The following CFDP1 variants were observed in gnomAD, a reference collection of about 807,000 sequenced individuals.
CFDP1 encodes the protein chromatin remodeling protein CFDP1.
A neutral mutation model predicts 40.1 loss-of-function variants in CFDP1; 31 were observed. The ratio of observed to expected loss-of-function variants is 0.77; its 90% CI spans 0.58 to 1.04. The LOEUF (loss-of-function observed/expected upper bound fraction) is 1.04, where lower values mean the gene tolerates loss of function less well. CFDP1 is among the 50% of genes least tolerant of loss of function. CFDP1 has a pLI of 0.00. For missense variants in CFDP1, 423 were observed against 343.4 expected (o/e 1.23, Z -1.83); for synonymous variants, 167 against 120.0 (o/e 1.39, Z -2.56).
chr16:75,321,296 G>C (rs2078361789), intron 5 of CFDP1, among the ~76,000 whole-genome samples: 1 of 152,078 alleles, frequency 6.6e-6, no homozygotes, highest in African/African-American at 2.4e-5. Context: ...GCTTTACTGA[G>C]ATGTAATCCA....
chr16:75,329,932 T>C (rs1215360585), intron 5 of CFDP1, among the ~76,000 whole-genome samples: 2 of 152,200 alleles, frequency 1.3e-5, no homozygotes, highest in African/African-American at 4.8e-5. Context: ...ATACCAAGAA[T>C]GAATTCCTCT....
chr16:75,307,970 C>T (rs536631521), intron 5 of CFDP1, among the ~76,000 whole-genome samples: 1 of 152,322 alleles, frequency 6.6e-6, no homozygotes, highest in Admixed American at 6.5e-5. Flanking sequence ...GAACACTGAT[C>T]TTTTCTTTAG....
At position 75,412,484 on chromosome 16, in the gene CFDP1, A is replaced by G. The variant is rs777273340; in HGVS notation, c.402+51T>C. The G allele has an allele frequency of 3.2e-5, 44 of 1,363,458 alleles. No individual in the cohort carries two copies. The East Asian group carries it at 9.6e-4, about 30-fold the overall frequency. 84.5% of individuals were successfully genotyped at this position (1,363,458 alleles called of 1,614,324 possible). A position where few individuals can be genotyped will look rare whatever the true frequency, so the allele number is the denominator to read the frequency against. On this transcript the variant is annotated intron_variant, in intron 3 of 6. Coordinates refer to ENST00000283882, the MANE Select transcript of CFDP1 (RefSeq NM_006324.3). ...ATTTCCGTAGGCTTCAAATCTCAGT[A>G]ATGTAGGGTATTTCTGGAGAGGCAT...
intron 5 of CFDP1, among the ~76,000 whole-genome samples, chr16:75,384,980 T>C (rs969670647): frequency 1.3e-5 from 2 of 150,458 alleles, no homozygotes; most frequent in Non-Finnish European, 3.0e-5. Context: ...ATACAATATA[T>C]ATGTATATAT....
chr16:75,410,930 A>C (rs1446977451), intron 4 of CFDP1, among the ~76,000 whole-genome samples: 1 of 150,362 alleles, frequency 6.7e-6, no homozygotes, highest in Non-Finnish European at 1.5e-5. Context: ...AAAAAAAGAA[A>C]AAAAAAGGCC....
At chr16:75,394,994 C>A in intron 5 of CFDP1, 96 bp downstream of exon 5, 1 of 1,433,896 alleles carries the variant, frequency 7.0e-7, no homozygotes, top group South Asian at 1.3e-5. Context: ...TTCTCTCTCT[C>A]AGGCAAGGAG....
intron 5 of CFDP1, 182 bp from the exon 6 acceptor site, chr16:75,305,364 G>A: frequency 1.6e-6 from 1 of 609,740 alleles, no homozygotes; most frequent in Non-Finnish European, 2.8e-6. Context: ...GAATTCTAAT[G>A]TGCTTTTCCT....
chr16:75,424,572 G>A (rs561119085), intron 1 of CFDP1, among the ~76,000 whole-genome samples: 6 of 152,148 alleles, frequency 3.9e-5, no homozygotes, highest in Admixed American at 1.3e-4. Flanking sequence ...TGGCTAACAC[G>A]GTGAAACCCA....
intron 6 of CFDP1, among the ~76,000 whole-genome samples, chr16:75,295,224 C>A (rs1431914062): frequency 6.6e-6 from 1 of 152,228 alleles, no homozygotes; most frequent in African/African-American, 2.4e-5. Context: ...GAAGTACCAT[C>A]CATCCTACCT....
At chr16:75,420,698 T>C (rs979648523) in intron 1 of CFDP1, among the ~76,000 whole-genome samples, 2 of 152,122 alleles carry the variant, frequency 1.3e-5, no homozygotes, top group African/African-American at 4.8e-5. Context: ...AATCATCCAC[T>C]AAAAAGAGTA....
At chr16:75,386,012 G>C (rs1480206898) in intron 5 of CFDP1, among the ~76,000 whole-genome samples, 2 of 152,080 alleles carry the variant, frequency 1.3e-5, no homozygotes, top group Non-Finnish European at 2.9e-5. Context: ...CACAACCAAG[G>C]GTATAGGAAT....
At chr16:75,430,406 G>A (rs1265175515) in intron 1 of CFDP1, among the ~76,000 whole-genome samples, 1 of 151,332 alleles carries the variant, frequency 6.6e-6, no homozygotes, top group East Asian at 1.9e-4. Context: ...CCTGACCTCA[G>A]GCAATCCGCC....
chr16:75,318,651 G>A lies in CFDP1; in HGVS notation c.651-13469C>T, dbSNP rs537102962. 1.1e-3 allele frequency among the ~76,000 whole-genome samples: 167 copies of A among 152,098 alleles called. 1 individual carries two copies. The highest frequency in any genetic ancestry group is 1.5e-3 in the Non-Finnish European group (104 of 67,966). ...GATCTCCTGACCTTGTGATCCGCCC[G>A]CCTTGGCCTCCCAAAGTGCTGGGAT... On this transcript the variant is annotated intron_variant, in intron 5 of 6. Coordinates refer to ENST00000283882, the MANE Select transcript of CFDP1 (RefSeq NM_006324.3).
intron 5 of CFDP1, among the ~76,000 whole-genome samples, chr16:75,351,494 C>G (rs1022554372): frequency 2.0e-5 from 3 of 152,134 alleles, no homozygotes; most frequent in Non-Finnish European, 2.9e-5. Context: ...AAATAACTAA[C>G]TAATTTGAAG....
At chr16:75,305,467 C>T in intron 5 of CFDP1, 1 of 325,056 alleles carries the variant, frequency 3.1e-6, no homozygotes, top group Non-Finnish European at 5.7e-6. Context: ...TCTCTGCTTG[C>T]AAGGAGGGGA....
intron 5 of CFDP1, among the ~76,000 whole-genome samples, chr16:75,329,728 A>G (rs1334825489): frequency 1.3e-5 from 2 of 152,230 alleles, no homozygotes; most frequent in Non-Finnish European, 2.9e-5. Flanking sequence ...TTATAACATC[A>G]AAGTACCTGA....
intron 4 of CFDP1, among the ~76,000 whole-genome samples, chr16:75,401,978 T>C (rs530072977): frequency 1.3e-5 from 2 of 152,300 alleles, no homozygotes; most frequent in South Asian, 4.1e-4. Flanking sequence ...GGAAAAAGTA[T>C]AAACTGTGGG....
At chr16:75,312,809 C>T (rs992159210) in intron 5 of CFDP1, among the ~76,000 whole-genome samples, 1 of 152,178 alleles carries the variant, frequency 6.6e-6, no homozygotes, top group Non-Finnish European at 1.5e-5. Flanking sequence ...ATATAAGACA[C>T]CACCATCCAT....
At chr16:75,413,712 T>A (rs1355400204) in intron 2 of CFDP1, among the ~76,000 whole-genome samples, 2 of 152,192 alleles carry the variant, frequency 1.3e-5, no homozygotes, top group Non-Finnish European at 2.9e-5. Flanking sequence ...TTTGCTTCAA[T>A]GCCCAGGAAG....
Sources: allele counts gnomAD v4.1 joint callset (sites outside exome capture counted in the v4.1 genomes callset), GRCh38; gene constraint gnomAD v4.1.1; transcripts MANE v1.5; gene names NCBI Gene and HGNC (gene_info 2026-07-23, HGNC 2026-07-21).